ZAR1L: variants seen among roughly 807,000 people sequenced by gnomAD.
ZAR1L encodes the protein protein ZAR1-like.
A neutral mutation model predicts 30.0 loss-of-function variants in ZAR1L; 16 were observed. The observed-to-expected ratio is 0.53, with a 90% confidence interval of 0.36 to 0.81. ZAR1L has a LOEUF of 0.81. ZAR1L is among the 30% of genes least tolerant of loss of function. The pLI, the probability that ZAR1L is intolerant of heterozygous loss-of-function variation, is 0.00. For synonymous variants in ZAR1L, 197 were observed against 166.8 expected (o/e 1.18, Z -1.40); for missense variants, 392 against 417.2 (o/e 0.94, Z 0.53).
Position 32,310,653 on chromosome 13 carries a change from A to T in ZAR1L, c.733T>A (p.Ser245Thr). 6.4e-7 allele frequency: 1 copy of T among 1,551,004 alleles called. No individual in the cohort carries two copies. Among genetic ancestry groups the T allele is most frequent in the Non-Finnish European group, 8.7e-7 (1 of 1,146,234 alleles). The change falls in exon 4 of 6, where the codon TCT becomes ACT. Residue 245 changes from serine (S) to threonine (T), a missense_variant. Coordinates refer to ENST00000533490, the MANE Select transcript of ZAR1L (RefSeq NM_001136571.2). ...TTTTTATTTACCTTGTTCGTTCCAG[A>T]AATGCACCACACGTAAGCACTCTCC... is the stretch of plus-strand genomic sequence containing the variant. ...RWESAYVWCI[S>T]GTNKVYFKQL...
chr13:32,313,362 TTTTG>T (rs1311512840), intron 2 of ZAR1L, among the ~76,000 whole-genome samples: 12 of 152,200 alleles, frequency 7.9e-5, no homozygotes, highest in South Asian at 2.1e-4. Flanking sequence ...TTTTTTGGGT[TTTTG>T]TTTGTTTGCT....
Position 32,304,442 on chromosome 13 carries a change from G to A in ZAR1L, c.823-420C>T, listed in dbSNP as rs542943162. Reference sequence around the variant, plus strand: ...TGTAGGCAGGTCAGGGTGAGTGGCAGTGGGTAGGAATAAAATGAACATTTA... The same window carrying A: ...TGTAGGCAGGTCAGGGTGAGTGGCAATGGGTAGGAATAAAATGAACATTTA... On this transcript the variant is annotated intron_variant, in intron 5 of 5. Transcript: ENST00000533490. 3.9e-5 allele frequency among the ~76,000 whole-genome samples: 6 copies of A among 152,314 alleles called. 1 individual carries two copies. In the South Asian group the frequency reaches 1.2e-3, roughly 32 times the overall value.
intron 4 of ZAR1L, among the ~76,000 whole-genome samples, chr13:32,310,028 G>C (rs1043904358): frequency 2.0e-5 from 3 of 152,210 alleles, no homozygotes; most frequent in Non-Finnish European, 4.4e-5. Context: ...CACGTAGACT[G>C]TTGCAAAACG....
At chr13:32,310,412 C>T (rs1261518248) in intron 4 of ZAR1L, among the ~76,000 whole-genome samples, 1 of 152,238 alleles carries the variant, frequency 6.6e-6, no homozygotes, top group East Asian at 1.9e-4. Flanking sequence ...TCTAAGTAAC[C>T]TGACATCTTG....
chr13:32,314,972 C>T (rs1389584458), intron 1 of ZAR1L, among the ~76,000 whole-genome samples: 1 of 152,118 alleles, frequency 6.6e-6, no homozygotes. Context: ...AGGTCTTGAA[C>T]ACCTGCTACC....
Position 32,311,394 on chromosome 13 carries a change from G to A in ZAR1L, c.532C>T (p.Gln178Ter). 1.3e-6 allele frequency: 2 copies of A among 1,550,616 alleles called. No individual in the cohort carries two copies. Among genetic ancestry groups the A allele is most frequent in the Non-Finnish European group, 1.7e-6 (2 of 1,146,958 alleles). The part of the protein sequence containing the change: ...PPSRRSGADR[Q>*]EEPGQLEESG... The stretch of plus-strand genomic sequence containing the variant: ...TCCTCCAGCTGCCCGGGCTCCTCCT[G>A]CCTGTCAGCTCCTGACCTCCGTGAT... Residue 178 changes from glutamine to a stop codon, truncating the protein, a stop_gained, in exon 3 of 6, where the codon CAG becomes TAG. Transcript: ENST00000533490. LOFTEE classifies it high-confidence loss of function.
chr13:32,305,772 G>T (rs915603181), intron 5 of ZAR1L, among the ~76,000 whole-genome samples: 8 of 152,208 alleles, frequency 5.3e-5, no homozygotes, highest in Non-Finnish European at 1.2e-4. Flanking sequence ...GGATCACTGA[G>T]AAATTATCAG....
At position 32,307,498 on chromosome 13, in the gene ZAR1L, C is replaced by CAAAA. The variant is rs772822284; in HGVS notation, c.822+1184_822+1187dup. Among the ~76,000 whole-genome samples the CAAAA allele has an allele frequency of 5.2e-4, 8 of 15,382 alleles. 1 individual carries two copies. Among genetic ancestry groups the CAAAA allele is most frequent in the Non-Finnish European group, 4.3e-4 (4 of 9,342 alleles). 10.1% of individuals were successfully genotyped at this position (15,382 alleles called of 152,430 possible). On this transcript the variant is annotated intron_variant, in intron 5 of 5. Transcript: ENST00000533490. Reference sequence around the variant, plus strand: ...TGGGTGACACAGCAAGAGTCTGTCTCAAAAAAAAAAAAAAAAAAAAAAAAA... The same window carrying CAAAA: ...TGGGTGACACAGCAAGAGTCTGTCTCAAAAAAAAAAAAAAAAAAAAAAAAAAAAA...
chr13:32,307,607 T>C lies in ZAR1L; in HGVS notation c.822+1079A>G, dbSNP rs537675393. ...TAACCATCAAAAGGACATTAAAAAA[T>C]GATAGAAAGGAATATTGAATATTAA... On this transcript the variant is annotated intron_variant, in intron 5 of 5. Transcript: ENST00000533490. Among the ~76,000 whole-genome samples the C allele has an allele frequency of 1.9e-4, 22 of 116,066 alleles. No individual in the cohort carries two copies. The South Asian group carries it at 5.5e-3, about 29-fold the overall frequency. The allele number at this position is 116,066 out of a possible 152,430, so 76.1% of individuals were successfully genotyped here. A position where few individuals can be genotyped will look rare whatever the true frequency, so the allele number is the denominator to read the frequency against.
In ZAR1L at chr13:32,311,603, C is replaced by G. The variant is rs1031096246; in HGVS notation, c.323G>C (p.Gly108Ala). 6 of 1,548,532 alleles carry G rather than the reference C, an allele frequency of 3.9e-6. No individual in the cohort carries two copies. Among genetic ancestry groups the G allele is most frequent in the Non-Finnish European group, 5.2e-6 (6 of 1,145,580 alleles). Reference protein sequence around the residue: ...RVDKAVQCSLGPRTLSSCSPW... With the variant: ...RVDKAVQCSLAPRTLSSCSPW... Reference sequence around the variant, plus strand: ...GGAGCAGCTGCTGAGGGTGCGAGGCCCCAGAGAGCACTGCACAGCCTTGTC... The same window carrying G: ...GGAGCAGCTGCTGAGGGTGCGAGGCGCCAGAGAGCACTGCACAGCCTTGTC... The change falls in exon 3 of 6, where the codon GGG becomes GCG. Residue 108 changes from glycine to alanine, a missense_variant. By Grantham distance (60) the Gly-to-Ala change is moderately conservative. Transcript: ENST00000533490.
At chr13:32,315,008 AAAATCCTCTGATTTC>A (rs1232910857) in intron 1 of ZAR1L, among the ~76,000 whole-genome samples, 1 of 152,178 alleles carries the variant, frequency 6.6e-6, no homozygotes, top group Non-Finnish European at 1.5e-5. Context: ...TACTGGAACT[AAAATCCTCTGATTTC>A]AAATAACAGC....
chr13:32,308,402 A>G (rs1003895035), intron 5 of ZAR1L, among the ~76,000 whole-genome samples: 1 of 152,264 alleles, frequency 6.6e-6, no homozygotes, highest in Non-Finnish European at 1.5e-5. Flanking sequence ...TAAAAAATTA[A>G]CAGCAGTCAC....
chr13:32,310,112 C>G (rs2072202015), intron 4 of ZAR1L, among the ~76,000 whole-genome samples: 1 of 152,244 alleles, frequency 6.6e-6, no homozygotes, highest in Non-Finnish European at 1.5e-5. Context: ...ACGAGGGTCT[C>G]TAATGACCAG....
chr13:32,309,466 T>C (rs960722382), intron 4 of ZAR1L, among the ~76,000 whole-genome samples: 1 of 152,224 alleles, frequency 6.6e-6, no homozygotes, highest in African/African-American at 2.4e-5. Context: ...TTAAATTACT[T>C]GTGGTTACCC....
rs896686298 is a variant in ZAR1L at position 32,303,749 on chromosome 13, A to G, written c.*130T>C. ...TCTATTCACATTGTACAATTGTTAC[A>G]CAATCTACAAAAAGTACAAAAGCCT... On this transcript the variant is annotated 3_prime_UTR_variant, in exon 6 of 6. Coordinates refer to ENST00000533490, the MANE Select transcript of ZAR1L (RefSeq NM_001136571.2). 6.0e-6 allele frequency: 5 copies of G among 839,478 alleles called. No homozygotes were observed. The African/African-American group carries it at 8.6e-5, about 14-fold the overall frequency. 52.0% of individuals were successfully genotyped at this position (839,478 alleles called of 1,614,324 possible).
intron 5 of ZAR1L, among the ~76,000 whole-genome samples, chr13:32,307,474 G>C (rs2072183915): frequency 7.6e-6 from 1 of 130,744 alleles, no homozygotes; most frequent in South Asian, 2.5e-4. Flanking sequence ...ACTCCAGCCT[G>C]GGTGACACAG....
At chr13:32,308,417 T>G (rs895776328) in intron 5 of ZAR1L, among the ~76,000 whole-genome samples, 1 of 152,268 alleles carries the variant, frequency 6.6e-6, no homozygotes, top group Non-Finnish European at 1.5e-5. Flanking sequence ...AGTCACCTTT[T>G]ACATTACTAC....
intron 5 of ZAR1L, among the ~76,000 whole-genome samples, chr13:32,307,661 G>T (rs1250601708): frequency 6.6e-6 from 1 of 151,378 alleles, no homozygotes; most frequent in Non-Finnish European, 1.5e-5. Context: ...CAAGAGAAAA[G>T]AAAAAGGGGT....
intron 5 of ZAR1L, among the ~76,000 whole-genome samples, chr13:32,307,498 C>CAAAAAAAAAA (rs772822284): frequency 6.5e-5 from 1 of 15,356 alleles, no homozygotes; most frequent in Admixed American, 1.1e-3. Context: ...GAGTCTGTCT[C>CAAAAAAAAAA]AAAAAAAAAA....
Sources: gnomAD v4.1 joint callset for allele counts (sites outside exome capture counted in the v4.1 genomes callset) on GRCh38, gnomAD v4.1.1 for gene constraint, MANE v1.5 for transcripts, NCBI Gene and HGNC (gene_info 2026-07-23, HGNC 2026-07-21) for gene names.